RMDN2: variants seen among roughly 807,000 people sequenced by gnomAD.
RMDN2 encodes regulator of microtubule dynamics 2.
A neutral mutation model predicts 52.8 loss-of-function variants in RMDN2; 61 were observed. The ratio of observed to expected loss-of-function variants is 1.16; its 90% CI spans 0.94 to 1.43. The LOEUF (loss-of-function observed/expected upper bound fraction) is 1.43. Ranked by LOEUF, RMDN2 falls within the 40% of genes most tolerant of loss-of-function variation. RMDN2 has a pLI of 0.00. For missense variants in RMDN2, 592 were observed against 475.3 expected, an observed-to-expected ratio of 1.25 and a Z score of -2.28; for synonymous variants, 180 against 153.1, an observed-to-expected ratio of 1.18 and a Z score of -1.30.
intron 10 of RMDN2, chr2:38,012,706 A>G (rs1678179703): frequency 2.4e-6 from 1 of 418,002 alleles, no homozygotes; most frequent in Admixed American, 3.2e-5. Flanking sequence ...GAAGTGAGTT[A>G]TATGTAATAC....
intron 2 of RMDN2, among the ~76,000 whole-genome samples, chr2:37,932,890 CG>C (rs1666929108): frequency 1.4e-5 from 2 of 147,426 alleles, no homozygotes; most frequent in Non-Finnish European, 3.0e-5. Flanking sequence ...CCCTCCCGGA[CG>C]GGGCGGCTGG....
intron 10 of RMDN2, among the ~76,000 whole-genome samples, chr2:38,049,876 AT>A (rs1429371409): frequency 6.6e-6 from 1 of 152,070 alleles, no homozygotes; most frequent in African/African-American, 2.4e-5. Flanking sequence ...TGGTTTGTAC[AT>A]TTTTTATCAT....
At chr2:38,021,382 G>T (rs149676579), downstream of RMDN2, among the ~76,000 whole-genome samples, 1,063 of 152,252 alleles carry the variant, frequency 7.0e-3, 8 homozygotes, top group African/African-American at 0.024. Flanking sequence ...ACCTGCTGGG[G>T]TCCCCCTCTG....
chr2:38,038,169 C>G (rs1680712561), intron 10 of RMDN2, among the ~76,000 whole-genome samples: 1 of 152,124 alleles, frequency 6.6e-6, no homozygotes, highest in South Asian at 2.1e-4. Context: ...GCAAAAATCT[C>G]AAGCCCAGGG....
intron 7 of RMDN2, among the ~76,000 whole-genome samples, chr2:37,992,442 C>T (rs956895528): frequency 6.6e-6 from 1 of 152,106 alleles, no homozygotes; most frequent in African/African-American, 2.4e-5. Context: ...CACAATGATG[C>T]CTTCATTCTC....
chr2:37,952,056 G>T (rs1668891785), intron 2 of RMDN2: 1 of 1,613,358 alleles, frequency 6.2e-7, no homozygotes, highest in Non-Finnish European at 8.5e-7. Flanking sequence ...CCTCCATAAA[G>T]CTGGATTTTC....
At chr2:38,025,116 G>T (rs1679680459) in intron 10 of RMDN2, among the ~76,000 whole-genome samples, 1 of 152,080 alleles carries the variant, frequency 6.6e-6, no homozygotes, top group Admixed American at 6.5e-5. Flanking sequence ...ATTGACATCA[G>T]TTTTAAGTCT....
chr2:37,984,737 T>C (rs1673772353), intron 5 of RMDN2, among the ~76,000 whole-genome samples: 1 of 151,994 alleles, frequency 6.6e-6, no homozygotes, highest in Non-Finnish European at 1.5e-5. Context: ...CAAAGAAAAA[T>C]ACAGTGTTCT....
chr2:38,047,498 G>T (rs1037593358), intron 10 of RMDN2, among the ~76,000 whole-genome samples: 2 of 152,178 alleles, frequency 1.3e-5, no homozygotes, highest in Non-Finnish European at 2.9e-5. Flanking sequence ...TATGCTAAGT[G>T]AAAGAAGCTG....
intron 10 of RMDN2, among the ~76,000 whole-genome samples, chr2:38,051,433 A>T (rs908339428): frequency 6.6e-6 from 1 of 152,128 alleles, no homozygotes; most frequent in African/African-American, 2.4e-5. Context: ...GTACATATTT[A>T]TGGGGTACAT....
chr2:38,005,500 C>G (rs986300910), intron 10 of RMDN2, among the ~76,000 whole-genome samples: 3 of 152,124 alleles, frequency 2.0e-5, no homozygotes, highest in African/African-American at 7.2e-5. Context: ...TAAATGTCTT[C>G]TTTTGAGAAG....
intron 10 of RMDN2, among the ~76,000 whole-genome samples, chr2:38,004,847 A>C (rs1414850352): frequency 3.5e-4 from 48 of 136,006 alleles, no homozygotes; most frequent in South Asian, 4.8e-4. Context: ...ATCCCTCCCC[A>C]CTCCCCCCAC....
chr2:38,028,614 A>G (rs557742211), intron 10 of RMDN2, among the ~76,000 whole-genome samples: 1 of 152,166 alleles, frequency 6.6e-6, no homozygotes, highest in Non-Finnish European at 1.5e-5. Flanking sequence ...CAGCCCTTCG[A>G]GCCCATTAAG....
intron 10 of RMDN2, among the ~76,000 whole-genome samples, chr2:38,009,857 C>G (rs1244177288): frequency 6.6e-6 from 1 of 152,058 alleles, no homozygotes; most frequent in African/African-American, 2.4e-5. Context: ...TACCTTTGGT[C>G]TTTGATGATG....
At chr2:37,936,085 T>A (rs1667264294) in intron 2 of RMDN2, among the ~76,000 whole-genome samples, 1 of 152,198 alleles carries the variant, frequency 6.6e-6, no homozygotes, top group African/African-American at 2.4e-5. Flanking sequence ...GTGTGTGATG[T>A]TCCCCTCCCT....
At chr2:38,014,206 C>G (rs1049942561) in intron 10 of RMDN2, among the ~76,000 whole-genome samples, 23 of 151,762 alleles carry the variant, frequency 1.5e-4, no homozygotes, top group Admixed American at 3.3e-4. Context: ...GAGTGAAACT[C>G]CGTCGCAAAA....
At chr2:37,986,772 A>C (rs1170776625) in intron 5 of RMDN2, among the ~76,000 whole-genome samples, 2 of 152,048 alleles carry the variant, frequency 1.3e-5, no homozygotes, top group Admixed American at 1.3e-4. Flanking sequence ...CAAACTAGCA[A>C]ACTCTCAGCA....
intron 10 of RMDN2, among the ~76,000 whole-genome samples, chr2:38,056,470 A>G (rs929287630): frequency 6.6e-6 from 1 of 152,228 alleles, no homozygotes; most frequent in East Asian, 1.9e-4. Flanking sequence ...GTTTATTTTT[A>G]TAACAGTTTT....
At chr2:37,947,927 G>A (rs546285973) in intron 2 of RMDN2, among the ~76,000 whole-genome samples, 10 of 152,164 alleles carry the variant, frequency 6.6e-5, no homozygotes, top group African/African-American at 9.7e-5. Context: ...TCTCTGAAGA[G>A]ACTTGTCATC....
Sources: gnomAD v4.1 joint callset for allele counts (sites outside exome capture counted in the v4.1 genomes callset) on GRCh38, gnomAD v4.1.1 for gene constraint, MANE v1.5 for transcripts, NCBI Gene and HGNC (gene_info 2026-07-23, HGNC 2026-07-21) for gene names.